Variants in HMGXB3 observed in about 807,000 individuals in gnomAD.
HMGXB3 encodes the protein HMG-box containing 3, also known as HMG domain-containing protein 3.
Under a neutral mutation model 121.5 loss-of-function variants are expected in HMGXB3, and 45 were observed. The observed-to-expected ratio is 0.37, with a 90% CI of 0.29 to 0.47. The LOEUF is 0.47. Ranked by LOEUF, HMGXB3 falls within the 20% of genes least tolerant of loss-of-function variation. HMGXB3 has a pLI of 0.99. For synonymous variants in HMGXB3, 590 were observed against 624.1 expected (o/e 0.95, Z 0.81); for missense variants, 1,376 against 1,602.2 (o/e 0.86, Z 2.41).
At chr5:150,008,048 C>G (rs1338104414) in intron 3 of HMGXB3, among the ~76,000 whole-genome samples, 1 of 131,470 alleles carries the variant, frequency 7.6e-6, no homozygotes, top group African/African-American at 3.0e-5. Context: ...CAGAGTGAGA[C>G]TCTGTTTCAC....
In HMGXB3 at chr5:150,010,525, G is replaced by A. The variant is rs1276147106; in HGVS notation, c.727G>A (p.Gly243Ser). ...SLVIEETLVN[G>S]SPDLPTGSLA... Reference sequence around the variant, plus strand: ...GGTAATTGAAGAGACCTTGGTGAATGGCTCACCAGACCTCCCCACTGGAAG... The same window carrying A: ...GGTAATTGAAGAGACCTTGGTGAATAGCTCACCAGACCTCCCCACTGGAAG... The change falls in exon 4 of 20, where the codon GGC (glycine) becomes AGC (serine). Residue 243 changes from glycine (G) to serine (S), a missense_variant. By Grantham distance (56) the Gly-to-Ser change is moderately conservative. Transcript: ENST00000502717. 6.4e-7 allele frequency: 1 copy of A among 1,551,554 alleles called. No individual in the cohort carries two copies. The highest frequency in any genetic ancestry group is 2.4e-5 in the East Asian group (1 of 40,914).
intron 4 of HMGXB3, among the ~76,000 whole-genome samples, chr5:150,011,832 G>C (rs978914156): frequency 4.0e-5 from 6 of 151,682 alleles, no homozygotes; most frequent in African/African-American, 1.5e-4. Flanking sequence ...GGCTGGTCTT[G>C]AACTCCTGAC....
Position 150,004,833 on chromosome 5 carries a change from G to T in HMGXB3, c.-2-18G>T. The T allele has an allele frequency of 6.6e-7, 1 of 1,518,570 alleles. No homozygotes were observed. Among genetic ancestry groups the T allele is most frequent in the South Asian group, 1.3e-5 (1 of 79,952 alleles). The allele number at this position is 1,518,570 out of a possible 1,614,324, so 94.1% of individuals were successfully genotyped here. A position where few individuals can be genotyped will look rare whatever the true frequency, so the allele number is the denominator to read the frequency against. The stretch of plus-strand genomic sequence containing the variant: ...GGGGAGATTCTGGAAACTTTATTTT[G>T]ACTTTCCTTTCCTTTAGCCATGGAC... On this transcript the variant is annotated intron_variant, in intron 1 of 19. Transcript: ENST00000502717.
chr5:150,034,605 A>G (rs1756460063), intron 11 of HMGXB3, among the ~76,000 whole-genome samples: 1 of 152,108 alleles, frequency 6.6e-6, no homozygotes, highest in South Asian at 2.1e-4. Flanking sequence ...GTTAACTGAG[A>G]ACTGCCCACC....
chr5:150,025,363 A>G (rs1756202967), intron 7 of HMGXB3, among the ~76,000 whole-genome samples: 1 of 152,182 alleles, frequency 6.6e-6, no homozygotes, highest in African/African-American at 2.4e-5. Flanking sequence ...ATGGTTCTCA[A>G]CTGGTAACAA....
At position 150,001,053 on chromosome 5, in the gene HMGXB3, G is replaced by C. The variant is rs796485483; in HGVS notation, c.-129G>C. ...CCCTCGCCTCCACTTCCTTGTTGCT[G>C]CTGTCACGACTGGAGCCGCCTCTCG... On this transcript the variant is annotated 5_prime_UTR_variant, in exon 1 of 20. Transcript: ENST00000502717. 1.6e-4 allele frequency: 25 copies of C among 154,444 alleles called. No individual in the cohort carries two copies. Among genetic ancestry groups the C allele is most frequent in the African/African-American group, 5.8e-4 (24 of 41,652 alleles). The allele number at this position is 154,444 out of a possible 1,614,324, so 9.6% of individuals were successfully genotyped here.
chr5:150,028,522 T>TG (rs2113746084), intron 9 of HMGXB3, among the ~76,000 whole-genome samples: 1 of 65,428 alleles, frequency 1.5e-5, no homozygotes, highest in Admixed American at 1.5e-4. Context: ...TGTGTGTGTG[T>TG]GTGTGTGTGT....
intron 19 of HMGXB3, 81 bp from the exon 20 acceptor site, chr5:150,051,644 A>C: frequency 3.5e-6 from 4 of 1,133,046 alleles, no homozygotes; most frequent in Non-Finnish European, 4.9e-6. Flanking sequence ...GGGCTGGCTG[A>C]GCCTAGAGTG....
chr5:150,011,231 C>G (rs1031995504), intron 4 of HMGXB3, among the ~76,000 whole-genome samples: 3 of 152,200 alleles, frequency 2.0e-5, no homozygotes, highest in African/African-American at 7.2e-5. Context: ...ATGGGACTTA[C>G]CTCTGAGAAA....
Position 150,010,247 on chromosome 5 carries a change from G to T in HMGXB3, c.449G>T (p.Cys150Phe). The T allele has an allele frequency of 6.4e-7, 1 of 1,551,894 alleles. No homozygotes were observed. The highest frequency in any genetic ancestry group is 8.7e-7 in the Non-Finnish European group (1 of 1,147,040). The change falls in exon 4 of 20, where the codon TGT (cysteine) becomes TTT (phenylalanine). Residue 150 changes from cysteine to phenylalanine, a missense_variant. Physicochemically the swap from Cys to Phe is radical, Grantham distance 205 (BLOSUM62 -2). This residue lies in a region of HMGXB3 where 1,116 missense variants were observed against 1,369.0 expected (regional missense o/e 0.82). Coordinates refer to ENST00000502717, the MANE Select transcript of HMGXB3 (RefSeq NM_014983.3). ...CGGAGCTGCCCTCAGCTAGAGCTAT[G>T]TGTGGCTCAGAACCAGATGTCCCCG... ...EDRSCPQLELCVAQNQMSPKG... is the reference protein window; with the variant it reads ...EDRSCPQLELFVAQNQMSPKG...
chr5:150,052,894 G>C lies in HMGXB3; in HGVS notation c.*702G>C, dbSNP rs532191160. 6.6e-6 allele frequency: 1 copy of C among 152,456 alleles called. No homozygotes were observed. The highest frequency in any genetic ancestry group is 2.1e-4 in the South Asian group (1 of 4,830). 9.4% of individuals were successfully genotyped at this position (152,456 alleles called of 1,614,324 possible). On this transcript the variant is annotated 3_prime_UTR_variant, in exon 20 of 20. Transcript: ENST00000502717. ...CAGCCAATATCCTCTCTGGGCCTGG[G>C]ACCCTCTCCACAGAGGGGATGTGGT...
At chr5:150,038,534 C>T (rs1202648783) in intron 13 of HMGXB3, among the ~76,000 whole-genome samples, 1 of 152,152 alleles carries the variant, frequency 6.6e-6, no homozygotes, top group Admixed American at 6.5e-5. Flanking sequence ...GGTGTAACTA[C>T]CTTCACAATC....
In HMGXB3 at chr5:150,006,533, C is replaced by T. The variant is rs1755705949; in HGVS notation, c.198C>T (p.His66=). 6.4e-7 allele frequency: 1 copy of T among 1,552,026 alleles called. No individual in the cohort carries two copies. The highest frequency in any genetic ancestry group is 8.7e-7 in the Non-Finnish European group (1 of 1,147,030). Residue 66 remains histidine (H), a synonymous_variant, in exon 3 of 20, where the codon CAC becomes CAT. Coordinates refer to ENST00000502717, the MANE Select transcript of HMGXB3 (RefSeq NM_014983.3). ...TGAAAGTGCAGCAGGAGCTCCCCCA[C>T]CTCCCTCAGTCTGAGATCAATAAGA... ...IYLKVQQELP[H]LPQSEINKKI...
intron 10 of HMGXB3, among the ~76,000 whole-genome samples, chr5:150,031,578 C>G (rs559786022): frequency 2.0e-5 from 3 of 152,244 alleles, no homozygotes; most frequent in African/African-American, 4.8e-5. Context: ...TCAACATTCT[C>G]TAATTCTGTT....
intron 3 of HMGXB3, among the ~76,000 whole-genome samples, chr5:150,008,719 C>G (rs187664116): frequency 6.6e-6 from 1 of 152,322 alleles, no homozygotes; most frequent in East Asian, 1.9e-4. Flanking sequence ...ATCATTCAGG[C>G]CTTCCAGGTT....
intron 12 of HMGXB3, among the ~76,000 whole-genome samples, 182 bp downstream of exon 12, chr5:150,037,119 T>A (rs1410470237): frequency 6.6e-6 from 1 of 152,226 alleles, no homozygotes; most frequent in East Asian, 1.9e-4. Flanking sequence ...TCTGTTGAAA[T>A]GCCTGAAAGT....
chr5:150,045,362 C>T (rs1035541547), intron 15 of HMGXB3, 104 bp from the exon 16 acceptor site: 3 of 966,460 alleles, frequency 3.1e-6, no homozygotes, highest in Non-Finnish European at 4.7e-6. Flanking sequence ...GACTTCCCTT[C>T]ACCAAGCCTT....
intron 3 of HMGXB3, among the ~76,000 whole-genome samples, chr5:150,009,451 G>A (rs1755779305): frequency 6.6e-6 from 1 of 152,098 alleles, no homozygotes; most frequent in African/African-American, 2.4e-5. Flanking sequence ...AGTATATTCA[G>A]GACCTTGTCA....
At chr5:150,014,069 A>G (rs958996416) in intron 5 of HMGXB3, among the ~76,000 whole-genome samples, 5 of 152,258 alleles carry the variant, frequency 3.3e-5, no homozygotes, top group African/African-American at 1.2e-4. Context: ...ACCTGTGTGG[A>G]AAAATTCAGG....
Sources: gnomAD v4.1 joint callset for allele counts (sites outside exome capture counted in the v4.1 genomes callset) on GRCh38, gnomAD v4.1.1 for gene constraint, gnomAD v4.1.1 regional missense constraint, MANE v1.5 for transcripts, NCBI Gene and HGNC (gene_info 2026-07-23, HGNC 2026-07-21) for gene names.